The following PAPPA2 variants were observed in gnomAD, a reference collection of about 807,000 sequenced individuals.
PAPPA2 encodes pappalysin-2.
A neutral mutation model predicts 176.4 loss-of-function variants in PAPPA2; 86 were observed. That is an observed-to-expected ratio of 0.49 (90% CI 0.41 to 0.58). PAPPA2 has a LOEUF of 0.58. Ranked by LOEUF, PAPPA2 falls within the 20% of genes least tolerant of loss-of-function variation. The probability of loss-of-function intolerance (pLI) is 0.00; values close to 1 mark genes in which losing one functional copy is unlikely to be tolerated. For missense variants in PAPPA2, 2,073 were observed against 2,256.9 expected, an observed-to-expected ratio of 0.92 and a Z score of 1.65; for synonymous variants, 809 against 852.2, an observed-to-expected ratio of 0.95 and a Z score of 0.88.
chr1:176,606,516 G>A (rs1188515278), intron 3 of PAPPA2, among the ~76,000 whole-genome samples: 1 of 152,200 alleles, frequency 6.6e-6, no homozygotes, highest in Non-Finnish European at 1.5e-5. Flanking sequence ...CCAGGCTGGA[G>A]TACAGTGGCG....
chr1:176,497,576 A>G (rs1410977314), intron 1 of PAPPA2, among the ~76,000 whole-genome samples: 1 of 152,232 alleles, frequency 6.6e-6, no homozygotes, highest in Non-Finnish European at 1.5e-5. Flanking sequence ...TAATGAGCCA[A>G]CATTGAAGAA....
chr1:176,721,388 T>C (rs901393656), intron 12 of PAPPA2, among the ~76,000 whole-genome samples: 1 of 152,212 alleles, frequency 6.6e-6, no homozygotes, highest in Admixed American at 6.5e-5. Flanking sequence ...TTTAATCCTT[T>C]CTACATTTCT....
At chr1:176,619,736 CT>C (rs1238655663) in intron 3 of PAPPA2, among the ~76,000 whole-genome samples, 1 of 152,026 alleles carries the variant, frequency 6.6e-6, no homozygotes, top group African/African-American at 2.4e-5. Context: ...TGCCATTTTT[CT>C]TTTTCATATA....
At chr1:176,783,482 T>C (rs1664804570) in intron 17 of PAPPA2, among the ~76,000 whole-genome samples, 1 of 152,222 alleles carries the variant, frequency 6.6e-6, no homozygotes, top group Admixed American at 6.5e-5. Flanking sequence ...TCTTTATTTC[T>C]AGCAATGATG....
chr1:176,586,194 G>C (rs1653296459), intron 2 of PAPPA2, among the ~76,000 whole-genome samples: 1 of 151,954 alleles, frequency 6.6e-6, no homozygotes, highest in African/African-American at 2.4e-5. Context: ...GTGTGTGTTT[G>C]TGTGTTTTGT....
intron 3 of PAPPA2, among the ~76,000 whole-genome samples, chr1:176,629,629 G>T (rs1230312363): frequency 6.6e-6 from 1 of 152,132 alleles, no homozygotes; most frequent in Non-Finnish European, 1.5e-5. Flanking sequence ...CAATTTCAAT[G>T]GTCAGGACTG....
intron 3 of PAPPA2, among the ~76,000 whole-genome samples, chr1:176,653,828 T>C (rs1262088129): frequency 6.6e-6 from 1 of 151,770 alleles, no homozygotes; most frequent in African/African-American, 2.4e-5. Flanking sequence ...CTACTTCTGA[T>C]GGATAATTTT....
chr1:176,478,220 G>T (rs538514381), intron 1 of PAPPA2, among the ~76,000 whole-genome samples: 1 of 152,218 alleles, frequency 6.6e-6, no homozygotes, highest in African/African-American at 2.4e-5. Flanking sequence ...TCTTTGTTAA[G>T]AATCCAGATT....
rs188877337 is a variant in PAPPA2 at position 176,629,928 on chromosome 1, G to A, written c.1991+34333G>A. Among the ~76,000 whole-genome samples the A allele has an allele frequency of 5.9e-5, 9 of 152,142 alleles. No individual in the cohort carries two copies. The East Asian group carries it at 1.4e-3, about 23-fold the overall frequency. On this transcript the variant is annotated intron_variant, in intron 3 of 22. Transcript: ENST00000367662. ...ATGTAAGATGTAAGGGTGTAGTGGC[G>A]GGCATCTGTAATCCCAGCTACTCTG...
chr1:176,745,156 C>T (rs1413172159), intron 14 of PAPPA2, among the ~76,000 whole-genome samples: 10 of 152,188 alleles, frequency 6.6e-5, no homozygotes, highest in Non-Finnish European at 1.3e-4. Context: ...ATTTTTATCA[C>T]TATTTATCCT....
Position 176,702,592 on chromosome 1 carries a change from C to G in PAPPA2, c.3237-15C>G. The stretch of plus-strand genomic sequence containing the variant: ...TTTGTGGCTGTAGTGGTCACAAACC[C>G]TTTGGTTTCCACAGGGAGGTCACAC... On this transcript the variant is annotated splice_polypyrimidine_tract_variant and intron_variant, in intron 8 of 22. Transcript: ENST00000367662. 6.2e-7 allele frequency: 1 copy of G among 1,613,558 alleles called. No individual in the cohort carries two copies.
intron 1 of PAPPA2, among the ~76,000 whole-genome samples, chr1:176,511,503 C>T (rs750233493): frequency 2.6e-5 from 4 of 152,160 alleles, no homozygotes; most frequent in Non-Finnish European, 5.9e-5. Flanking sequence ...GTTCGACACT[C>T]GTTGTCTTAA....
intron 1 of PAPPA2, among the ~76,000 whole-genome samples, chr1:176,541,840 G>T (rs562463985): frequency 6.6e-6 from 1 of 152,180 alleles, no homozygotes; most frequent in African/African-American, 2.4e-5. Flanking sequence ...ATGCAATGCT[G>T]CCCACAGTAT....
At chr1:176,808,507 G>A (rs1264063596) in intron 21 of PAPPA2, among the ~76,000 whole-genome samples, 1 of 152,106 alleles carries the variant, frequency 6.6e-6, no homozygotes, top group Non-Finnish European at 1.5e-5. Flanking sequence ...GACAAACAGT[G>A]GTAAAACTGT....
chr1:176,651,484 G>A (rs1416258827), intron 3 of PAPPA2, among the ~76,000 whole-genome samples: 1 of 151,630 alleles, frequency 6.6e-6, no homozygotes, highest in African/African-American at 2.4e-5. Flanking sequence ...CCATAGGGAA[G>A]TCTGTTGCCA....
intron 3 of PAPPA2, among the ~76,000 whole-genome samples, chr1:176,662,583 A>AT (rs1270979472): frequency 7.0e-6 from 1 of 142,964 alleles, no homozygotes; most frequent in Non-Finnish European, 1.5e-5. Context: ...TTTTTACTCT[A>AT]TTTTTTAACC....
At chr1:176,770,931 T>C (rs1391478063) in intron 16 of PAPPA2, 36 bp from the exon 17 acceptor site, 1 of 1,590,530 alleles carries the variant, frequency 6.3e-7, no homozygotes, top group South Asian at 1.1e-5. Flanking sequence ...GGGCTCTCTG[T>C]TCTGAGCATC....
At chr1:176,833,119 A>G (rs948671903) in intron 21 of PAPPA2, among the ~76,000 whole-genome samples, 1 of 152,066 alleles carries the variant, frequency 6.6e-6, no homozygotes, top group Admixed American at 6.5e-5. Flanking sequence ...CTTTCTTTCA[A>G]TTACATCTTC....
chr1:176,552,518 C>A (rs528076836), intron 1 of PAPPA2, among the ~76,000 whole-genome samples: 3 of 151,972 alleles, frequency 2.0e-5, no homozygotes, highest in East Asian at 3.9e-4. Flanking sequence ...TTTCCCTCTC[C>A]GTCCTGGTCC....
Sources: allele counts gnomAD v4.1 joint callset (sites outside exome capture counted in the v4.1 genomes callset), GRCh38; gene constraint gnomAD v4.1.1; transcripts MANE v1.5; gene names NCBI Gene and HGNC (gene_info 2026-07-23, HGNC 2026-07-21).